The following NEFH variants were observed in gnomAD, a reference collection of about 807,000 sequenced individuals.
The protein encoded by NEFH is neurofilament heavy polypeptide.
In NEFH, 58 loss-of-function variants were observed where a neutral mutation model predicts 56.6. The observed-to-expected ratio is 1.03, with a 90% confidence interval of 0.83 to 1.28. NEFH has a LOEUF of 1.28. Among genes scored for constraint, NEFH ranks in the 50% most tolerant of loss-of-function variants. NEFH has a pLI of 0.00. For missense variants in NEFH, 1,221 were observed against 1,307.6 expected (o/e 0.93, Z 1.02); for synonymous variants, 542 against 545.8 (o/e 0.99, Z 0.10).
intron 1 of NEFH, 94 bp downstream of exon 1, chr22:29,481,239 G>T (rs1221141800): frequency 5.7e-6 from 7 of 1,229,320 alleles, no homozygotes; most frequent in East Asian, 2.6e-5. Context: ...GCCGGACTGC[G>T]CGTGGAGTGG....
intron 3 of NEFH, among the ~76,000 whole-genome samples, chr22:29,487,469 C>CA (rs60393645): frequency 0.33 from 45,631 of 139,620 alleles, 7,933 homozygotes; most frequent in African/African-American, 0.5. Context: ...ACAAAAAATA[C>CA]AAAAAAAAAA....
At chr22:29,485,951 G>GCA in intron 3 of NEFH, 104 bp downstream of exon 3, 3 of 1,271,504 alleles carry the variant, frequency 2.4e-6, no homozygotes, top group Non-Finnish European at 3.4e-6. Context: ...CCTGTCTTAG[G>GCA]GACAAAATTC....
chr22:29,490,197 A>G lies in NEFH; in HGVS notation c.2557A>G (p.Thr853Ala). 6.2e-7 allele frequency: 1 copy of G among 1,611,398 alleles called. No individual in the cohort carries two copies. The highest frequency in any genetic ancestry group is 8.5e-7 in the Non-Finnish European group (1 of 1,178,706). Residue 853 changes from threonine (T) to alanine (A), a missense_variant, in exon 4 of 4, where the codon ACA becomes GCA. Thr to Ala is a moderately conservative substitution (Grantham distance 58). Transcript: ENST00000310624. ...AGAGAAAGCCCCTGCCACACCAAAA[A>G]CAGAGGAGAAGAAGGACAGCAAGAA... The part of the protein sequence containing the change: ...EEEKAPATPK[T>A]EEKKDSKKEE...
intron 2 of NEFH, 106 bp downstream of exon 2, chr22:29,483,680 C>T (rs952352920): frequency 8.9e-7 from 1 of 1,126,350 alleles, no homozygotes; most frequent in Admixed American, 2.0e-5. Flanking sequence ...AGATTGTGGC[C>T]CTTGGAGTCA....
Position 29,480,426 on chromosome 22 carries a change from T to G in NEFH, c.164T>G (p.Val55Gly), listed in dbSNP as rs2062996538. ...TTCCACTCGTGGACACGGACGTCCG[T>G]GAGCTCCGTGTCCGCCTCGCCCAGC... is the stretch of plus-strand genomic sequence containing the variant. ...SGFHSWTRTS[V>G]SSVSASPSRF... The change falls in exon 1 of 4, where the codon GTG becomes GGG. Residue 55 changes from valine to glycine, a missense_variant. Physicochemically the swap from Val to Gly is moderately radical, Grantham distance 109. Transcript: ENST00000310624. The G allele has an allele frequency of 6.5e-7, 1 of 1,532,086 alleles. No homozygotes were observed. The highest frequency in any genetic ancestry group is 8.7e-7 in the Non-Finnish European group (1 of 1,145,942). The allele number at this position is 1,532,086 out of a possible 1,614,324, so 94.9% of individuals were successfully genotyped here. A position where few individuals can be genotyped will look rare whatever the true frequency, so the allele number is the denominator to read the frequency against.
At position 29,490,586 on chromosome 22, in the gene NEFH, C is replaced by T. The variant is rs369800959; in HGVS notation, c.2946C>T (p.Leu982=). The change falls in exon 4 of 4, where the codon CTC becomes CTT. Residue 982 remains leucine (L), a synonymous_variant. Coordinates refer to ENST00000310624, the MANE Select transcript of NEFH (RefSeq NM_021076.4). The part of the protein sequence containing the change: ...EAKAKEDDKT[L]SKEPSKPKAE... ...AAGCCAAGGAAGATGACAAGACCCT[C>T]TCAAAAGAGCCTAGCAAGCCTAAGG... The T allele has an allele frequency of 1.2e-5, 20 of 1,613,936 alleles. No individual in the cohort carries two copies. The highest frequency in any genetic ancestry group is 1.4e-5 in the Non-Finnish European group (17 of 1,180,016).
intron 2 of NEFH, among the ~76,000 whole-genome samples, chr22:29,484,366 C>A (rs2063031543): frequency 6.6e-6 from 1 of 152,024 alleles, no homozygotes; most frequent in African/African-American, 2.4e-5. Context: ...GCGGCTGGGC[C>A]TAGTGGCTCA....
At chr22:29,483,768 GAAAA>G (rs361680) in intron 2 of NEFH, among the ~76,000 whole-genome samples, 194 bp downstream of exon 2, 4 of 56,690 alleles carry the variant, frequency 7.1e-5, no homozygotes, top group East Asian at 5.0e-4. Context: ...TTCCAGCCAT[GAAAA>G]AAAAAAAAAA....
chr22:29,490,114 A>T lies in NEFH; in HGVS notation c.2474A>T (p.Lys825Met), dbSNP rs1256019795. The T allele has an allele frequency of 3.1e-6, 5 of 1,613,988 alleles. No individual in the cohort carries two copies. In the African/African-American group the frequency reaches 4.0e-5, roughly 13 times the overall value. Reference sequence around the variant, plus strand: ...AAGGAAGAGGTGAAGTCCCCAGTGAAGGAGGAGGAGAAGCCCCAGGAGGTG... The same window carrying T: ...AAGGAAGAGGTGAAGTCCCCAGTGATGGAGGAGGAGAAGCCCCAGGAGGTG... ...PKKEEVKSPV[K>M]EEEKPQEVKV... The change falls in exon 4 of 4, where the codon AAG becomes ATG. Residue 825 changes from lysine to methionine, a missense_variant. Lys to Met is a moderately conservative substitution (Grantham distance 95). Coordinates refer to ENST00000310624, the MANE Select transcript of NEFH (RefSeq NM_021076.4).
intron 1 of NEFH, among the ~76,000 whole-genome samples, chr22:29,482,269 G>T (rs2063016047): frequency 6.6e-6 from 1 of 152,196 alleles, no homozygotes; most frequent in African/African-American, 2.4e-5. Flanking sequence ...GGGTTTGCCA[G>T]TCGTAGGGGC....
chr22:29,483,540 A>C lies in NEFH; in HGVS notation c.1049A>C (p.Glu350Ala). ...DSLERQRSEL[E>A]DRHQADIASY... ...CTGGAGAGGCAGCGCTCTGAGCTGG[A>C]GGACCGTCATCAGGCCGACATTGCC... The change falls in exon 2 of 4, where the codon GAG (glutamate) becomes GCG (alanine). Residue 350 changes from glutamate (E) to alanine (A), a missense_variant. Coordinates refer to ENST00000310624, the MANE Select transcript of NEFH (RefSeq NM_021076.4). 1 of 1,613,886 alleles carries C rather than the reference A, an allele frequency of 6.2e-7. No individual in the cohort carries two copies. The highest frequency in any genetic ancestry group is 8.5e-7 in the Non-Finnish European group (1 of 1,180,028).
intron 2 of NEFH, 141 bp downstream of exon 2, chr22:29,483,715 G>A (rs1426032125): frequency 6.4e-6 from 4 of 627,756 alleles, no homozygotes; most frequent in Non-Finnish European, 1.1e-5. Context: ...TTCCAGCTGT[G>A]TGACCCTAGG....
chr22:29,480,942 G>A lies in NEFH; in HGVS notation c.680G>A (p.Cys227Tyr). ...AAGGCGCAGGCGCTGCAGGAGGAGT[G>A]CGGCTACCTGCGGCGCCACCACCAG... Reference protein sequence around the residue: ...QKKAQALQEECGYLRRHHQEE... With the variant: ...QKKAQALQEEYGYLRRHHQEE... Residue 227 changes from cysteine (C) to tyrosine (Y), a missense_variant, in exon 1 of 4, where the codon TGC becomes TAC. Around this residue, in one of 4 missense-constraint regions of NEFH, gnomAD observed 640 missense variants for 555.5 expected, o/e 1.15. Transcript: ENST00000310624. The A allele has an allele frequency of 1.3e-6, 2 of 1,529,878 alleles. No homozygotes were observed. Among genetic ancestry groups the A allele is most frequent in the Non-Finnish European group, 8.7e-7 (1 of 1,144,946 alleles). 94.8% of individuals were successfully genotyped at this position (1,529,878 alleles called of 1,614,324 possible).
In NEFH at chr22:29,490,820, A is replaced by T. The variant is rs1260674961; in HGVS notation, c.*117A>T. The T allele has an allele frequency of 6.5e-7, 1 of 1,536,914 alleles. No homozygotes were observed. The highest frequency in any genetic ancestry group is 1.4e-5 in the African/African-American group (1 of 72,912). ...GTCTTTATGTAAGAAGAAACTGCTTAGATGACGGGGCCTCCTTCTTCAAAC... is the reference window on the plus strand; with the variant it reads ...GTCTTTATGTAAGAAGAAACTGCTTTGATGACGGGGCCTCCTTCTTCAAAC... On this transcript the variant is annotated 3_prime_UTR_variant, in exon 4 of 4. Transcript: ENST00000310624.
rs1330915862 is a variant in NEFH at position 29,480,820 on chromosome 22, C to T, written c.558C>T (p.Asp186=). The T allele has an allele frequency of 1.4e-6, 2 of 1,396,296 alleles. No individual in the cohort carries two copies. The highest frequency in any genetic ancestry group is 1.6e-5 in the South Asian group (1 of 62,618). 86.5% of individuals were successfully genotyped at this position (1,396,296 alleles called of 1,614,324 possible). ...TCGCGCACGTGCGCCAGCGCCTAGA[C>T]GACGAGGCCCGGCAGCGAGAGGAGG... ...EDIAHVRQRL[D]DEARQREEAE... Residue 186 remains aspartate, a synonymous_variant, in exon 1 of 4, where the codon GAC becomes GAT. Coordinates refer to ENST00000310624, the MANE Select transcript of NEFH (RefSeq NM_021076.4).
Position 29,483,295 on chromosome 22 carries a change from A to C in NEFH, c.884-80A>C. On this transcript the variant is annotated intron_variant, in intron 1 of 3. Transcript: ENST00000310624. Reference sequence around the variant, plus strand: ...CCGTCTCAAAAAAAAAAAAAAAGAAAAAGAACAAAGAAAAAAATCTGGGCA... The same window carrying C: ...CCGTCTCAAAAAAAAAAAAAAAGAACAAGAACAAAGAAAAAAATCTGGGCA... 6 of 1,367,574 alleles carry C rather than the reference A, an allele frequency of 4.4e-6. No individual in the cohort carries two copies. The South Asian group carries it at 7.6e-5, about 17-fold the overall frequency. 84.7% of individuals were successfully genotyped at this position (1,367,574 alleles called of 1,614,324 possible).
In NEFH at chr22:29,483,433, G is replaced by T. The variant is rs1192848725; in HGVS notation, c.942G>T (p.Ala314=). The change falls in exon 2 of 4, where the codon GCG becomes GCT. Residue 314 remains alanine (A), a synonymous_variant. Coordinates refer to ENST00000310624, the MANE Select transcript of NEFH (RefSeq NM_021076.4). ...AKVNTDAMRS[A]QEEITEYRRQ... The stretch of plus-strand genomic sequence containing the variant: ...TGAACACAGACGCTATGCGCTCAGC[G>T]CAGGAGGAGATAACTGAGTACCGGC... The T allele has an allele frequency of 6.2e-7, 1 of 1,613,944 alleles. No homozygotes were observed.
rs2063080459 is a variant in NEFH, at chr22:29,491,326, G to C, written c.*623G>C. 5.1e-6 allele frequency: 1 copy of C among 197,878 alleles called. No individual in the cohort carries two copies. Among genetic ancestry groups the C allele is most frequent in the Non-Finnish European group, 1.0e-5 (1 of 95,918 alleles). The allele number at this position is 197,878 out of a possible 1,614,324, so 12.3% of individuals were successfully genotyped here. A position where few individuals can be genotyped will look rare whatever the true frequency, so the allele number is the denominator to read the frequency against. ...GTTATTCTCTTTCCCTGGGAAGGCT[G>C]GGGGCAGGGCAGGGGAGGTCTGGAT... On this transcript the variant is annotated 3_prime_UTR_variant, in exon 4 of 4. Coordinates refer to ENST00000310624, the MANE Select transcript of NEFH (RefSeq NM_021076.4).
chr22:29,490,519 A>T lies in NEFH; in HGVS notation c.2879A>T (p.Glu960Val). The T allele has an allele frequency of 1.3e-6, 2 of 1,596,718 alleles. No individual in the cohort carries two copies. Among genetic ancestry groups the T allele is most frequent in the South Asian group, 2.3e-5 (2 of 86,732 alleles). Residue 960 changes from glutamate (E) to valine (V), a missense_variant, in exon 4 of 4, where the codon GAG (glutamate) becomes GTG (valine). By Grantham distance (121) the Glu-to-Val change is moderately radical (BLOSUM62 -2). Coordinates refer to ENST00000310624, the MANE Select transcript of NEFH (RefSeq NM_021076.4). Reference sequence around the variant, plus strand: ...CCGGAGAAAAAAGACACCAAGGAGGAGAAGGCCAAGAAGCCTGAGGAGAAA... The same window carrying T: ...CCGGAGAAAAAAGACACCAAGGAGGTGAAGGCCAAGAAGCCTGAGGAGAAA... ...AAPEKKDTKE[E>V]KAKKPEEKPK... is the part of the protein sequence containing the mutation.
Sources: gnomAD v4.1 joint callset for allele counts (sites outside exome capture counted in the v4.1 genomes callset) on GRCh38, gnomAD v4.1.1 for gene constraint, gnomAD v4.1.1 regional missense constraint, MANE v1.5 for transcripts, NCBI Gene and HGNC (gene_info 2026-07-23, HGNC 2026-07-21) for gene names.